Variants in MND1 observed in about 807,000 individuals in gnomAD.
MND1 encodes meiotic nuclear division protein 1 homolog.
In MND1, 28 loss-of-function variants were observed where a neutral mutation model predicts 35.1. That is an observed-to-expected ratio of 0.80 (90% CI 0.59 to 1.09). The LOEUF (loss-of-function observed/expected upper bound fraction) is 1.09. Ranked by LOEUF, MND1 falls within the 50% of genes least tolerant of loss-of-function variation. MND1 has a pLI of 0.00. For missense variants in MND1, 213 were observed against 239.6 expected, an observed-to-expected ratio of 0.89 and a Z score of 0.73; for synonymous variants, 69 against 70.5, an observed-to-expected ratio of 0.98 and a Z score of 0.11.
At chr4:153,356,756 T>G (rs919839686) in intron 3 of MND1, among the ~76,000 whole-genome samples, 11 of 151,790 alleles carry the variant, frequency 7.2e-5, no homozygotes, top group Non-Finnish European at 1.3e-4. Flanking sequence ...GGTTGAACAT[T>G]TTTCTCATAT....
intron 2 of MND1, among the ~76,000 whole-genome samples, chr4:153,351,482 A>T (rs1773216650): frequency 6.6e-6 from 1 of 152,210 alleles, no homozygotes; most frequent in African/African-American, 2.4e-5. Context: ...GACGGAATTG[A>T]AAAGTATAAG....
intron 4 of MND1, among the ~76,000 whole-genome samples, chr4:153,388,565 G>A (rs930301507): frequency 6.6e-6 from 1 of 152,116 alleles, no homozygotes; most frequent in African/African-American, 2.4e-5. Context: ...TTTTGTTCTG[G>A]GTTACTGAGT....
chr4:153,393,073 C>G (rs1026969922), intron 4 of MND1, among the ~76,000 whole-genome samples: 3 of 152,014 alleles, frequency 2.0e-5, no homozygotes, highest in Middle Eastern at 3.4e-3. Flanking sequence ...GAGTCATGAT[C>G]GTGACACTGC....
At chr4:153,351,095 C>G (rs1199808886) in intron 2 of MND1, among the ~76,000 whole-genome samples, 1 of 152,018 alleles carries the variant, frequency 6.6e-6, no homozygotes, top group Non-Finnish European at 1.5e-5. Context: ...GGTGAAGTCT[C>G]TATGTGAAAA....
chr4:153,364,518 GAAA>G (rs70963167), intron 4 of MND1, among the ~76,000 whole-genome samples: 1 of 141,354 alleles, frequency 7.1e-6, no homozygotes, highest in African/African-American at 2.6e-5. Context: ...CCCTGTTTAA[GAAA>G]AAAAAAAAAA....
intron 2 of MND1, among the ~76,000 whole-genome samples, chr4:153,350,838 C>T (rs1773195743): frequency 6.6e-6 from 1 of 151,838 alleles, no homozygotes; most frequent in Non-Finnish European, 1.5e-5. Flanking sequence ...GCCTAGTTGG[C>T]CCCAGTCTAC....
intron 6 of MND1, 37 bp downstream of exon 6, chr4:153,397,370 G>C (rs770715218): frequency 6.2e-6 from 9 of 1,454,962 alleles, no homozygotes; most frequent in Non-Finnish European, 8.5e-6. Context: ...CTTTAACTTT[G>C]ATAATGAAGA....
At chr4:153,376,488 A>G (rs1277245037) in intron 4 of MND1, among the ~76,000 whole-genome samples, 1 of 152,176 alleles carries the variant, frequency 6.6e-6, no homozygotes, top group Admixed American at 6.6e-5. Flanking sequence ...CAAGGGAATG[A>G]CTTCCTCCAT....
chr4:153,384,258 CTTTTTTTTTTT>C (rs35214226), intron 4 of MND1, among the ~76,000 whole-genome samples: 3 of 55,358 alleles, frequency 5.4e-5, no homozygotes, highest in Non-Finnish European at 1.0e-4. Flanking sequence ...CTACTTTCTG[CTTTTTTTTTTT>C]TTTTTTTTTT....
At chr4:153,414,491 G>T (rs552462345) in intron 7 of MND1, among the ~76,000 whole-genome samples, 186 of 152,008 alleles carry the variant, frequency 1.2e-3, no homozygotes, top group African/African-American at 4.4e-3. Flanking sequence ...CACCATATTG[G>T]CCAGGCTGGT....
At chr4:153,380,110 C>T (rs1429712931) in intron 4 of MND1, among the ~76,000 whole-genome samples, 1 of 151,882 alleles carries the variant, frequency 6.6e-6, no homozygotes, top group Non-Finnish European at 1.5e-5. Context: ...TTACTGTGGA[C>T]ATTTTTATAT....
intron 3 of MND1, 46 bp downstream of exon 3, chr4:153,355,757 A>G (rs759259048): frequency 1.7e-6 from 2 of 1,171,088 alleles, no homozygotes; most frequent in Non-Finnish European, 2.5e-6. Context: ...ATATACTGGG[A>G]TGTTTTGGGA....
At chr4:153,385,570 G>A (rs1728830539) in intron 4 of MND1, among the ~76,000 whole-genome samples, 1 of 151,948 alleles carries the variant, frequency 6.6e-6, no homozygotes, top group Non-Finnish European at 1.5e-5. Context: ...ACAAAAATTA[G>A]CCCAGTGTGG....
chr4:153,373,540 A>T lies in MND1; in HGVS notation c.276+14918A>T, dbSNP rs547375388. The stretch of plus-strand genomic sequence containing the variant: ...TGTTAGTACAGTGAATCTAGCTTTT[A>T]AAAAATTGAGCTTAATGTCAGTGTT... On this transcript the variant is annotated intron_variant, in intron 4 of 7. Coordinates refer to ENST00000240488, the MANE Select transcript of MND1 (RefSeq NM_032117.4). Among the ~76,000 whole-genome samples, 9 of 152,298 alleles carry T rather than the reference A, an allele frequency of 5.9e-5. No homozygotes were observed. In the South Asian group the frequency reaches 1.7e-3, roughly 28 times the overall value.
intron 6 of MND1, among the ~76,000 whole-genome samples, chr4:153,407,513 T>C (rs1729549162): frequency 6.6e-6 from 1 of 152,130 alleles, no homozygotes; most frequent in Non-Finnish European, 1.5e-5. Flanking sequence ...ACTGGAACTC[T>C]TAGATTGCTG....
intron 4 of MND1, among the ~76,000 whole-genome samples, chr4:153,390,856 G>A (rs1337163230): frequency 6.7e-6 from 1 of 150,160 alleles, no homozygotes; most frequent in Admixed American, 6.7e-5. Flanking sequence ...CAAAAAAACA[G>A]AACCAGCCCG....
chr4:153,367,750 T>C (rs55660524), intron 4 of MND1, among the ~76,000 whole-genome samples: 2,429 of 152,320 alleles, frequency 0.016, 62 homozygotes, highest in African/African-American at 0.055. Flanking sequence ...TTTAATTATG[T>C]GAAGAACTGC....
chr4:153,397,356 G>T (rs763600337), intron 6 of MND1, 23 bp downstream of exon 6: 8 of 1,541,706 alleles, frequency 5.2e-6, no homozygotes, highest in East Asian at 2.3e-5. Context: ...CATACCTTAG[G>T]GATCTTTAAC....
At chr4:153,392,073 T>C (rs1729061231) in intron 4 of MND1, among the ~76,000 whole-genome samples, 1 of 151,554 alleles carries the variant, frequency 6.6e-6, no homozygotes, top group African/African-American at 2.4e-5. Context: ...TTGTGAACAG[T>C]TAGGTTTTTG....
Sources: gnomAD v4.1 joint callset for allele counts (sites outside exome capture counted in the v4.1 genomes callset) on GRCh38, gnomAD v4.1.1 for gene constraint, MANE v1.5 for transcripts, NCBI Gene and HGNC (gene_info 2026-07-23, HGNC 2026-07-21) for gene names.